The following PRAME variants were observed in gnomAD, a reference collection of about 807,000 sequenced individuals.
The protein encoded by PRAME is PRAME nuclear receptor transcriptional regulator, also known as melanoma antigen preferentially expressed in tumors.
A neutral mutation model predicts 32.1 loss-of-function variants in PRAME; 21 were observed. The observed-to-expected ratio is 0.65, with a 90% CI of 0.46 to 0.94. PRAME has a LOEUF of 0.94. Ranked by LOEUF, PRAME falls within the 40% of genes least tolerant of loss-of-function variation. The pLI, the probability that PRAME is intolerant of heterozygous loss-of-function variation, is 0.00. For missense variants in PRAME, 651 were observed against 622.3 expected (o/e 1.05, Z -0.49); for synonymous variants, 274 against 251.5 (o/e 1.09, Z -0.85).
chr22:22,558,759 T>C (rs73879639), intron 1 of PRAME, among the ~76,000 whole-genome samples: 1,898 of 151,344 alleles, frequency 0.013, 55 homozygotes, highest in African/African-American at 0.045. Context: ...GACTCTGTCC[T>C]GGGTCTGTGC....
intron 5 of PRAME, among the ~76,000 whole-genome samples, chr22:22,548,886 G>A (rs2073725): frequency 0.11 from 16,440 of 151,770 alleles, 1,316 homozygotes; most frequent in East Asian, 0.27. Flanking sequence ...TGTGAGGCAG[G>A]GTCCAACACA....
chr22:22,553,530 C>T (rs2062725251), intron 3 of PRAME, among the ~76,000 whole-genome samples: 1 of 151,824 alleles, frequency 6.6e-6, no homozygotes, highest in African/African-American at 2.4e-5. Flanking sequence ...AAGATAGTTC[C>T]AGTAAAGCCA....
chr22:22,551,158 C>T (rs2062544743), intron 3 of PRAME, 69 bp from the exon 4 acceptor site: 1 of 1,427,770 alleles, frequency 7.0e-7, no homozygotes, highest in Admixed American at 2.2e-5. Context: ...CTTTTCCTCA[C>T]CCTTCTGAGG....
chr22:22,547,768 A>C lies in PRAME; in HGVS notation c.*299T>G. 1 of 452,352 alleles carries C rather than the reference A, an allele frequency of 2.2e-6. No homozygotes were observed. 28.0% of individuals were successfully genotyped at this position (452,352 alleles called of 1,614,324 possible). On this transcript the variant is annotated 3_prime_UTR_variant, in exon 6 of 6. Transcript: ENST00000405655. Reference sequence around the variant, plus strand: ...ACAGTCTACACAGGGATTAACTCCTACATGTACTTCCCAAGCCAGAATCTC... The same window carrying C: ...ACAGTCTACACAGGGATTAACTCCTCCATGTACTTCCCAAGCCAGAATCTC...
intron 3 of PRAME, chr22:22,554,028 A>C (rs2062756554): frequency 1.8e-5 from 18 of 985,204 alleles, no homozygotes; most frequent in Non-Finnish European, 2.2e-5. Flanking sequence ...AGATGCAATC[A>C]GGCCTATCAA....
intron 3 of PRAME, chr22:22,554,243 T>C: frequency 1.0e-6 from 1 of 985,174 alleles, no homozygotes; most frequent in Non-Finnish European, 1.2e-6. Context: ...TCATGCACTG[T>C]GAAGTCCCTA....
intron 3 of PRAME, chr22:22,554,334 G>GCCA: frequency 2.5e-6 from 2 of 804,278 alleles, no homozygotes; most frequent in African/African-American, 1.9e-5. Context: ...GCGTAAGGAG[G>GCCA]CTGTAATTCG....
At chr22:22,549,550 GAGT>G (rs2062444577) in intron 5 of PRAME, among the ~76,000 whole-genome samples, 173 bp downstream of exon 5, 1 of 151,926 alleles carries the variant, frequency 6.6e-6, no homozygotes, top group Non-Finnish European at 1.5e-5. Flanking sequence ...TAACCCTTAT[GAGT>G]AGTAGTTATG....
chr22:22,551,234 C>T (rs2062548637), intron 3 of PRAME, 145 bp from the exon 4 acceptor site: 2 of 688,536 alleles, frequency 2.9e-6, no homozygotes, highest in South Asian at 2.0e-5. Context: ...ACCCCGATTC[C>T]ACTCTGCACT....
intron 3 of PRAME, chr22:22,552,692 C>CT (rs2062661642): frequency 3.4e-6 from 1 of 298,184 alleles, no homozygotes; most frequent in Admixed American, 4.4e-5. Context: ...AAGCCTGTTC[C>CT]TTTGTAAGGA....
chr22:22,548,946 G>A lies in PRAME; in HGVS notation c.954-303C>T, dbSNP rs558421428. Among the ~76,000 whole-genome samples the A allele has an allele frequency of 2.0e-5, 3 of 152,000 alleles. No homozygotes were observed. The South Asian group carries it at 6.2e-4, about 32-fold the overall frequency. ...AATTGAATTGAGAGCCTGATTTGAT[G>A]TCTCAAGCAAGGAAAGGCATCAGTG... is the stretch of plus-strand genomic sequence containing the variant. On this transcript the variant is annotated intron_variant, in intron 5 of 5. Transcript: ENST00000405655.
intron 3 of PRAME, chr22:22,552,878 C>G (rs1569223983): frequency 2.1e-6 from 1 of 470,726 alleles, no homozygotes; most frequent in African/African-American, 2.0e-5. Context: ...ACTCCATGGC[C>G]TCTGGGTCCC....
chr22:22,555,858 G>A (rs1362330844), intron 3 of PRAME: 1 of 470,846 alleles, frequency 2.1e-6, no homozygotes, highest in Admixed American at 2.4e-5. Context: ...AAGCCCATGG[G>A]GCAGTGAGAT....
rs967290990 is a variant in PRAME, at chr22:22,556,908, G to T, written c.-76C>A. 11 of 1,534,512 alleles carry T rather than the reference G, an allele frequency of 7.2e-6. No homozygotes were observed. The highest frequency in any genetic ancestry group is 2.7e-5 in the African/African-American group (2 of 73,220). On this transcript the variant is annotated splice_region_variant and 5_prime_UTR_variant, in exon 3 of 6. Coordinates refer to ENST00000405655, the MANE Select transcript of PRAME (RefSeq NM_206956.3). Reference sequence around the variant, plus strand: ...GTCTCAGTCACTTGTTGCCACGCACGTCTGAGAGTAATAATCAAAATGCTC... The same window carrying T: ...GTCTCAGTCACTTGTTGCCACGCACTTCTGAGAGTAATAATCAAAATGCTC...
chr22:22,550,283 G>C lies in PRAME; in HGVS notation c.396C>G (p.Phe132Leu), dbSNP rs780425980. The C allele has an allele frequency of 2.5e-6, 4 of 1,613,554 alleles. No homozygotes were observed. The highest frequency in any genetic ancestry group is 3.3e-4 in the Middle Eastern group (2 of 6,064). The change falls in exon 5 of 6, where the codon TTC (phenylalanine) becomes TTG (leucine). Residue 132 changes from phenylalanine (F) to leucine (L), a missense_variant. Physicochemically the swap from Phe to Leu is conservative, Grantham distance 22. Transcript: ENST00000405655. ...LDLRKNSHQD[F>L]WTVWSGNRAS... is the part of the protein sequence containing the mutation. ...CCCTGTTTCCAGACCATACAGTCCA[G>C]AAGTCCTGATGAGAGTTCTTCCGTA...
rs2062478924 is a variant in PRAME at position 22,550,108 on chromosome 22, A to G, written c.571T>C (p.Leu191=). The G allele has an allele frequency of 6.2e-7, 1 of 1,613,904 alleles. No individual in the cohort carries two copies. The highest frequency in any genetic ancestry group is 8.5e-7 in the Non-Finnish European group (1 of 1,179,968). ...LFLKEGACDE[L]FSYLIEKVKR... is the part of the protein sequence containing the mutation. ...ACTTTCTCAATGAGGTAGGAGAACA[A>G]TTCATCACAGGCACCTTCCTTGAGG... The change falls in exon 5 of 6, where the codon TTG becomes CTG. Residue 191 remains leucine, a synonymous_variant. Coordinates refer to ENST00000405655, the MANE Select transcript of PRAME (RefSeq NM_206956.3).
chr22:22,556,822 C>T lies in PRAME; in HGVS notation c.11G>A (p.Arg4Lys), dbSNP rs1439671656. The change falls in exon 3 of 6, where the codon AGG becomes AAG. Residue 4 changes from arginine to lysine, a missense_variant. By Grantham distance (26) the Arg-to-Lys change is conservative. Coordinates refer to ENST00000405655, the MANE Select transcript of PRAME (RefSeq NM_206956.3). ...AGGGGACCTTCTTACCCACAAACGC[C>T]TTCGTTCCATTTTGAAGCGACTTAG... MER[R>K]RLWGSIQSRY... is the part of the protein sequence containing the mutation. 6.2e-7 allele frequency: 1 copy of T among 1,612,790 alleles called. No homozygotes were observed. The highest frequency in any genetic ancestry group is 8.5e-7 in the Non-Finnish European group (1 of 1,179,908).
At chr22:22,555,985 G>T in intron 3 of PRAME, 1 of 403,286 alleles carries the variant, frequency 2.5e-6, no homozygotes, top group Non-Finnish European at 5.1e-6. Context: ...GGTCCACAAT[G>T]CATTAAGATT....
At chr22:22,549,618 G>T in intron 5 of PRAME, 108 bp downstream of exon 5, 8 of 1,383,614 alleles carry the variant, frequency 5.8e-6, no homozygotes, top group Non-Finnish European at 7.7e-6. Flanking sequence ...GTAGTGACTT[G>T]CTCACTCTTG....
Sources: allele counts gnomAD v4.1 joint callset (sites outside exome capture counted in the v4.1 genomes callset), GRCh38; gene constraint gnomAD v4.1.1; transcripts MANE v1.5; gene names NCBI Gene and HGNC (gene_info 2026-07-23, HGNC 2026-07-21).